Variants in HIBADH observed in about 807,000 individuals in gnomAD.
The protein encoded by HIBADH is 3-hydroxyisobutyrate dehydrogenase, mitochondrial.
A neutral mutation model predicts 36.1 loss-of-function variants in HIBADH; 25 were observed. That is an observed-to-expected ratio of 0.69 (90% CI 0.50 to 0.97). The LOEUF (loss-of-function observed/expected upper bound fraction) is 0.97, where lower values mean the gene tolerates loss of function less well. HIBADH is among the 50% of genes least tolerant of loss of function. HIBADH has a pLI of 0.00. For missense variants in HIBADH, 421 were observed against 418.0 expected (o/e 1.01, Z -0.06); for synonymous variants, 160 against 149.5 (o/e 1.07, Z -0.51).
At chr7:27,613,144 A>G (rs959623857) in intron 4 of HIBADH, among the ~76,000 whole-genome samples, 2 of 107,102 alleles carry the variant, frequency 1.9e-5, no homozygotes, top group Non-Finnish European at 1.9e-5. Context: ...TTATATAAAT[A>G]TATTTTATAT....
intron 4 of HIBADH, among the ~76,000 whole-genome samples, chr7:27,548,004 G>C (rs1321614209): frequency 2.6e-5 from 4 of 151,880 alleles, no homozygotes; most frequent in South Asian, 2.1e-4. Context: ...CAGAAACATT[G>C]AACTCATTTG....
chr7:27,550,032 C>G (rs982098021), intron 4 of HIBADH, among the ~76,000 whole-genome samples: 1 of 152,038 alleles, frequency 6.6e-6, no homozygotes, highest in Non-Finnish European at 1.5e-5. Context: ...CTCAGCCTCC[C>G]GAGTAGCTGG....
intron 4 of HIBADH, among the ~76,000 whole-genome samples, chr7:27,554,723 G>A (rs957050563): frequency 2.0e-5 from 3 of 152,170 alleles, no homozygotes; most frequent in African/African-American, 7.2e-5. Flanking sequence ...AAGGCAAGAT[G>A]ATAACCCGGC....
intron 4 of HIBADH, among the ~76,000 whole-genome samples, chr7:27,628,793 AAAAT>A (rs1307429128): frequency 6.6e-6 from 1 of 152,072 alleles, no homozygotes; most frequent in Non-Finnish European, 1.5e-5. Flanking sequence ...ATTCATGACT[AAAAT>A]AAACCTATAT....
Position 27,589,343 on chromosome 7 carries a change from C to A in HIBADH, c.484+40028G>T, listed in dbSNP as rs980834950. Among the ~76,000 whole-genome samples, 118 of 151,972 alleles carry A rather than the reference C, an allele frequency of 7.8e-4. 7 individuals are homozygous for A. The highest frequency in any genetic ancestry group is 4.4e-5 in the Non-Finnish European group (3 of 67,980). ...CAAATCTTTATACATAAGTAGAAAA[C>A]GAGTAACTAGAATTTATCCTTAAAC... On this transcript the variant is annotated intron_variant, in intron 4 of 7. Transcript: ENST00000265395.
At position 27,526,389 on chromosome 7, in the gene HIBADH, G is replaced by A. The variant is rs765400645; in HGVS notation, c.853-17C>T. The A allele has an allele frequency of 2.5e-6, 4 of 1,603,268 alleles. No homozygotes were observed. The African/African-American group carries it at 5.4e-5, about 22-fold the overall frequency. On this transcript the variant is annotated splice_polypyrimidine_tract_variant and intron_variant, in intron 7 of 7. Coordinates refer to ENST00000265395, the MANE Select transcript of HIBADH (RefSeq NM_152740.4). ...TCCCAGATCCTAAATCAAACAGGAG[G>A]AGAGAACACGCTGAGACTGGTGGTA...
chr7:27,644,888 T>A (rs1386479266), intron 2 of HIBADH, among the ~76,000 whole-genome samples: 1 of 152,224 alleles, frequency 6.6e-6, no homozygotes, highest in Non-Finnish European at 1.5e-5. Flanking sequence ...ACTTCCTTAT[T>A]CTGGACTTTC....
Position 27,531,098 on chromosome 7 carries a change from T to G in HIBADH, c.852+94A>C. 6.9e-6 allele frequency: 9 copies of G among 1,297,458 alleles called. 1 individual carries two copies. The highest frequency in any genetic ancestry group is 6.3e-6 in the Non-Finnish European group (6 of 948,298). 80.4% of individuals were successfully genotyped at this position (1,297,458 alleles called of 1,614,324 possible). On this transcript the variant is annotated intron_variant, in intron 7 of 7. Transcript: ENST00000265395. ...TATTCTAGTAATTTTGCCTCTTACC[T>G]GAGACATATGCTTTATTAAGAGAAA... is the stretch of plus-strand genomic sequence containing the variant.
intron 1 of HIBADH, among the ~76,000 whole-genome samples, chr7:27,650,775 A>G (rs561794089): frequency 1.5e-4 from 22 of 151,562 alleles, no homozygotes; most frequent in Non-Finnish European, 2.1e-4. Context: ...TATTTTTCAT[A>G]TAAGACTTTT....
chr7:27,632,756 C>T (rs950857369), intron 2 of HIBADH, among the ~76,000 whole-genome samples: 4 of 152,020 alleles, frequency 2.6e-5, no homozygotes, highest in Non-Finnish European at 5.9e-5. Flanking sequence ...ATGGGTTCTT[C>T]CAAGTTGGAT....
chr7:27,619,024 C>T (rs1252173398), intron 4 of HIBADH, among the ~76,000 whole-genome samples: 3 of 152,140 alleles, frequency 2.0e-5, no homozygotes, highest in Non-Finnish European at 4.4e-5. Flanking sequence ...CTTGGGGAGA[C>T]AAATATCCAA....
chr7:27,593,066 C>T (rs903330105), intron 4 of HIBADH, among the ~76,000 whole-genome samples: 1 of 152,092 alleles, frequency 6.6e-6, no homozygotes, highest in African/African-American at 2.4e-5. Flanking sequence ...TAGGTAAATA[C>T]TCCTATGGTT....
At chr7:27,627,430 ATTT>A (rs1319401915) in intron 4 of HIBADH, among the ~76,000 whole-genome samples, 1 of 152,108 alleles carries the variant, frequency 6.6e-6, no homozygotes, top group Non-Finnish European at 1.5e-5. Flanking sequence ...AGGGAGGAGG[ATTT>A]GAAGGTTCCT....
chr7:27,536,424 A>C (rs1000412889), intron 6 of HIBADH, among the ~76,000 whole-genome samples: 1 of 152,142 alleles, frequency 6.6e-6, no homozygotes, highest in Non-Finnish European at 1.5e-5. Flanking sequence ...ATATATGTAG[A>C]GTTTTAGAAA....
chr7:27,557,897 C>A (rs1487689886), intron 4 of HIBADH, among the ~76,000 whole-genome samples: 3 of 152,172 alleles, frequency 2.0e-5, no homozygotes, highest in Admixed American at 6.5e-5. Flanking sequence ...TAAGATTTGT[C>A]TTTTAAAACC....
chr7:27,566,786 CTT>C (rs1784554278), intron 4 of HIBADH, among the ~76,000 whole-genome samples: 1 of 152,106 alleles, frequency 6.6e-6, no homozygotes, highest in Non-Finnish European at 1.5e-5. Flanking sequence ...GACATTTCCT[CTT>C]TGACCCATAG....
At chr7:27,554,696 TAAG>T (rs1784366276) in intron 4 of HIBADH, among the ~76,000 whole-genome samples, 1 of 151,394 alleles carries the variant, frequency 6.6e-6, no homozygotes. Flanking sequence ...GGGAAGAGAG[TAAG>T]AAGAAATAAG....
At chr7:27,557,210 T>A (rs545438006) in intron 4 of HIBADH, among the ~76,000 whole-genome samples, 2 of 152,072 alleles carry the variant, frequency 1.3e-5, no homozygotes, top group South Asian at 2.1e-4. Flanking sequence ...GTTTTTTTTT[T>A]AAGAAATAAC....
chr7:27,572,106 C>T (rs926956230), intron 4 of HIBADH, among the ~76,000 whole-genome samples: 3 of 152,132 alleles, frequency 2.0e-5, no homozygotes, highest in Admixed American at 6.6e-5. Flanking sequence ...TTTCCATTAC[C>T]CCATGATTGT....
Sources: allele counts gnomAD v4.1 joint callset (sites outside exome capture counted in the v4.1 genomes callset), GRCh38; gene constraint gnomAD v4.1.1; transcripts MANE v1.5; gene names NCBI Gene and HGNC (gene_info 2026-07-23, HGNC 2026-07-21).